MTAP: variants seen among roughly 807,000 people sequenced by gnomAD.
MTAP encodes the protein S-methyl-5'-thioadenosine phosphorylase.
A neutral mutation model predicts 33.6 loss-of-function variants in MTAP; 33 were observed. The observed-to-expected ratio is 0.98, with a 90% confidence interval of 0.74 to 1.31. MTAP has a LOEUF of 1.31. Ranked by LOEUF, MTAP falls within the 40% of genes most tolerant of loss-of-function variation. MTAP has a pLI of 0.00. For missense variants in MTAP, 367 were observed against 360.0 expected (o/e 1.02, Z -0.16); for synonymous variants, 148 against 125.7 (o/e 1.18, Z -1.19).
Position 21,891,292 on chromosome 9 carries a change from A to G in MTAP, c.147+36422A>G, listed in dbSNP as rs374233681. Among the ~76,000 whole-genome samples, 3 of 152,282 alleles carry G rather than the reference A, an allele frequency of 2.0e-5. 1 individual carries two copies. Among genetic ancestry groups the G allele is most frequent in the African/African-American group, 7.2e-5 (3 of 41,566 alleles). ...CTTGCAATGTTTCTTAACCAGGCTG[A>G]AATGGCTGAAATGACAAACATTGAA... On this transcript the variant is annotated intron_variant, in intron 1 of 1. Transcript: ENST00000577563.
intron 1 of MTAP, among the ~76,000 whole-genome samples, chr9:21,925,896 T>C (rs1460717195): frequency 6.6e-6 from 1 of 152,202 alleles, no homozygotes; most frequent in African/African-American, 2.4e-5. Flanking sequence ...TCCTCCAAGG[T>C]GATGGGGTTA....
chr9:21,829,348 A>C (rs1010247210), intron 4 of MTAP, among the ~76,000 whole-genome samples: 1 of 151,266 alleles, frequency 6.6e-6, no homozygotes, highest in Non-Finnish European at 1.5e-5. Flanking sequence ...CACTTTACCC[A>C]CTACACGTTG....
Position 21,859,367 on chromosome 9 carries a change from T to C in MTAP, c.755T>C (p.Leu252Pro), listed in dbSNP as rs746081156. The change falls in exon 7 of 8, where the codon CTC becomes CCC. Residue 252 changes from leucine (L) to proline (P), a missense_variant. Transcript: ENST00000644715. ...ENANKAKSLLLTTIPQIGSTE... is the reference protein window; with the variant it reads ...ENANKAKSLLPTTIPQIGSTE... The stretch of plus-strand genomic sequence containing the variant: ...GCTAATAAAGCCAAAAGCTTACTGC[T>C]CACTACCATACCTCAGATAGGGTCC... 6.2e-7 allele frequency: 1 copy of C among 1,613,732 alleles called. No homozygotes were observed. Among genetic ancestry groups the C allele is most frequent in the Non-Finnish European group, 8.5e-7 (1 of 1,179,808 alleles).
intron 5 of MTAP, among the ~76,000 whole-genome samples, chr9:21,849,223 A>G (rs1264626472): frequency 6.6e-6 from 1 of 152,152 alleles, no homozygotes; most frequent in Non-Finnish European, 1.5e-5. Context: ...TATGCTGTGA[A>G]TCTTTCTCCC....
chr9:21,808,284 C>G (rs1824257255), intron 1 of MTAP, among the ~76,000 whole-genome samples: 1 of 152,004 alleles, frequency 6.6e-6, no homozygotes. Context: ...AATGGAGTGG[C>G]TTAAGACAAC....
At chr9:21,839,313 C>G (rs1449972718) in intron 5 of MTAP, among the ~76,000 whole-genome samples, 1 of 151,998 alleles carries the variant, frequency 6.6e-6, no homozygotes, top group Admixed American at 6.6e-5. Context: ...AATAGATTTG[C>G]TATCCTGGGG....
intron 1 of MTAP, among the ~76,000 whole-genome samples, chr9:21,808,237 G>A (rs539750374): frequency 3.9e-5 from 6 of 152,242 alleles, no homozygotes; most frequent in Admixed American, 3.3e-4. Context: ...TTCCCTTAGT[G>A]TTATAGTTTC....
chr9:21,817,988 G>A (rs1824527265), intron 3 of MTAP, 47 bp from the exon 4 acceptor site: 1 of 1,521,534 alleles, frequency 6.6e-7, no homozygotes, highest in African/African-American at 1.4e-5. Flanking sequence ...GAAAACAGTT[G>A]GTGGTGTACT....
At chr9:21,806,753 A>G (rs1054386638) in intron 1 of MTAP, among the ~76,000 whole-genome samples, 1 of 152,112 alleles carries the variant, frequency 6.6e-6, no homozygotes, top group East Asian at 1.9e-4. Context: ...GGCAGGTGGT[A>G]TTCCTGACAG....
At chr9:21,940,897 C>T (rs1002666564), downstream of MTAP, 2 of 484,794 alleles carry the variant, frequency 4.1e-6, no homozygotes, top group African/African-American at 4.2e-5. Flanking sequence ...ATTATCTTTA[C>T]TGCCTTTCTT....
intron 1 of MTAP, among the ~76,000 whole-genome samples, chr9:21,921,189 T>G (rs1587299139): frequency 6.6e-6 from 1 of 152,080 alleles, no homozygotes; most frequent in Non-Finnish European, 1.5e-5. Context: ...TGTGGTTTCT[T>G]TTGGAAAAAG....
chr9:21,859,187 A>G lies in MTAP; in HGVS notation c.691-116A>G, dbSNP rs542024607. On this transcript the variant is annotated intron_variant, in intron 6 of 7. Transcript: ENST00000644715. ...CATTGAGGATTCGGTTTCAGCAGAT[A>G]AATTTGAGGGGACACAAACATTTAG... is the stretch of plus-strand genomic sequence containing the variant. The G allele has an allele frequency of 9.0e-6, 13 of 1,443,492 alleles. No homozygotes were observed. In the African/African-American group the frequency reaches 1.0e-4, roughly 11 times the overall value. The allele number at this position is 1,443,492 out of a possible 1,614,324, so 89.4% of individuals were successfully genotyped here.
chr9:21,830,034 G>T (rs1587223048), intron 4 of MTAP, among the ~76,000 whole-genome samples: 1 of 152,198 alleles, frequency 6.6e-6, no homozygotes, highest in East Asian at 1.9e-4. Context: ...AAGAGGTAGA[G>T]AGTGCAGTGG....
chr9:21,897,919 G>A (rs1396178544), intron 1 of MTAP, among the ~76,000 whole-genome samples: 3 of 152,120 alleles, frequency 2.0e-5, no homozygotes, highest in Admixed American at 6.5e-5. Flanking sequence ...AGCCCGCATT[G>A]CCAAGTCAAT....
At chr9:21,854,548 A>G (rs1220274609) in intron 5 of MTAP, 83 bp from the exon 6 acceptor site, 11 of 1,452,966 alleles carry the variant, frequency 7.6e-6, no homozygotes, top group South Asian at 1.7e-5. Flanking sequence ...TAAGAAATCA[A>G]CTTGGTAAAC....
chr9:21,895,215 C>T (rs1818270510), intron 1 of MTAP, among the ~76,000 whole-genome samples: 1 of 152,122 alleles, frequency 6.6e-6, no homozygotes, highest in Non-Finnish European at 1.5e-5. Flanking sequence ...CCAGAATAAC[C>T]AAAGCAAGCC....
intron 4 of MTAP, among the ~76,000 whole-genome samples, chr9:21,829,529 A>G (rs1824915176): frequency 6.6e-6 from 1 of 151,176 alleles, no homozygotes; most frequent in Non-Finnish European, 1.5e-5. Flanking sequence ...GTGCCTGGCC[A>G]GGCTCCTTTT....
rs1026950254 is a variant in MTAP, at chr9:21,865,736, C to T, written c.*3722C>T. 7 of 1,039,744 alleles carry T rather than the reference C, an allele frequency of 6.7e-6. No individual in the cohort carries two copies. The highest frequency in any genetic ancestry group is 8.1e-5 in the East Asian group (1 of 12,374). The allele number at this position is 1,039,744 out of a possible 1,614,324, so 64.4% of individuals were successfully genotyped here. Reference sequence around the variant, plus strand: ...TTGCCAGCTATGCCTTTGAGAACCTCGGGATCCCAAAGAATGAGGGGAATT... The same window carrying T: ...TTGCCAGCTATGCCTTTGAGAACCTTGGGATCCCAAAGAATGAGGGGAATT... On this transcript the variant is annotated 3_prime_UTR_variant, in exon 8 of 8. Transcript: ENST00000644715.
At chr9:21,832,402 C>G (rs1824990304) in intron 4 of MTAP, among the ~76,000 whole-genome samples, 1 of 152,190 alleles carries the variant, frequency 6.6e-6, no homozygotes, top group African/African-American at 2.4e-5. Flanking sequence ...CGCAAGAAGC[C>G]TTTGTTTAGC....
Sources: gnomAD v4.1 joint callset for allele counts (sites outside exome capture counted in the v4.1 genomes callset) on GRCh38, gnomAD v4.1.1 for gene constraint, MANE v1.5 for transcripts, NCBI Gene and HGNC (gene_info 2026-07-23, HGNC 2026-07-21) for gene names.